Variants in CLEC16A observed in about 807,000 individuals in gnomAD.
CLEC16A encodes the protein C-type lectin domain containing 16A, also known as protein CLEC16A.
In CLEC16A, 51 loss-of-function variants were observed where a neutral mutation model predicts 109.5. The ratio of observed to expected loss-of-function variants is 0.47; its 90% confidence interval spans 0.37 to 0.59. CLEC16A has a LOEUF of 0.59. CLEC16A is among the 20% of genes least tolerant of loss of function. The pLI is 0.00. For missense variants in CLEC16A, 1,339 were observed against 1,394.0 expected, an observed-to-expected ratio of 0.96 and a Z score of 0.63; for synonymous variants, 673 against 564.2, an observed-to-expected ratio of 1.19 and a Z score of -2.73.
chr16:11,151,245 A>G (rs1183657669), intron 22 of CLEC16A, among the ~76,000 whole-genome samples: 1 of 152,242 alleles, frequency 6.6e-6, no homozygotes, highest in South Asian at 2.1e-4. Flanking sequence ...ATCTTGGTCT[A>G]CATTTCCAAT....
At chr16:11,017,110 G>C (rs1250473037) in intron 11 of CLEC16A, among the ~76,000 whole-genome samples, 2 of 152,008 alleles carry the variant, frequency 1.3e-5, no homozygotes, top group Non-Finnish European at 2.9e-5. Context: ...AGAACACTTT[G>C]TGACCACATT....
intron 13 of CLEC16A, among the ~76,000 whole-genome samples, chr16:11,037,132 G>A (rs1007499255): frequency 1.3e-5 from 2 of 152,160 alleles, no homozygotes; most frequent in East Asian, 3.9e-4. Flanking sequence ...CCACCGCTAG[G>A]CTTCTCATTC....
chr16:10,991,163 G>A (rs529661670), intron 10 of CLEC16A, among the ~76,000 whole-genome samples: 28 of 152,232 alleles, frequency 1.8e-4, no homozygotes, highest in Non-Finnish European at 3.1e-4. Context: ...TGGGAAAACA[G>A]TAGTGAAGCA....
At chr16:10,948,180 A>G (rs1035028759) in intron 1 of CLEC16A, among the ~76,000 whole-genome samples, 5 of 152,226 alleles carry the variant, frequency 3.3e-5, no homozygotes, top group Admixed American at 6.5e-5. Flanking sequence ...GGCATGAGCC[A>G]CTGCACCCGG....
rs2041239620 is a variant in CLEC16A, at chr16:10,944,575, G to A, written c.-143G>A. The A allele has an allele frequency of 1.3e-6, 1 of 788,446 alleles. No individual in the cohort carries two copies. Among genetic ancestry groups the A allele is most frequent in the Non-Finnish European group, 2.0e-6 (1 of 495,746 alleles). 48.8% of individuals were successfully genotyped at this position (788,446 alleles called of 1,614,324 possible). ...TCCGGCTGAATGTCAGTGCTGGGCT[G>A]TGGGCCGGGGAGGAAGGCGGCTCGC... On this transcript the variant is annotated 5_prime_UTR_variant, in exon 1 of 24. It adds an upstream start codon to the 5' untranslated region. Coordinates refer to ENST00000409790, the MANE Select transcript of CLEC16A (RefSeq NM_015226.3).
intron 18 of CLEC16A, among the ~76,000 whole-genome samples, chr16:11,053,170 CAT>C (rs1465389435): frequency 6.6e-6 from 1 of 152,126 alleles, no homozygotes; most frequent in African/African-American, 2.4e-5. Context: ...AAATTACAGA[CAT>C]GTACCACCAC....
At chr16:11,023,839 C>G (rs1012342045) in intron 12 of CLEC16A, among the ~76,000 whole-genome samples, 3 of 152,208 alleles carry the variant, frequency 2.0e-5, no homozygotes, top group Admixed American at 2.0e-4. Flanking sequence ...TGGCCTCAGC[C>G]TGGCATTCAG....
chr16:10,997,523 A>C (rs1049936973), intron 10 of CLEC16A, among the ~76,000 whole-genome samples: 3 of 152,234 alleles, frequency 2.0e-5, no homozygotes, highest in Non-Finnish European at 4.4e-5. Context: ...AAATAAACAT[A>C]AAATTCACTC....
At chr16:11,115,334 A>AT (rs1310423765) in intron 19 of CLEC16A, among the ~76,000 whole-genome samples, 1 of 152,176 alleles carries the variant, frequency 6.6e-6, no homozygotes, top group Non-Finnish European at 1.5e-5. Flanking sequence ...TTTAAAGAGT[A>AT]TTTTTTAAAA....
intron 3 of CLEC16A, among the ~76,000 whole-genome samples, chr16:10,962,934 A>C (rs1191263514): frequency 6.6e-6 from 1 of 152,004 alleles, no homozygotes; most frequent in East Asian, 1.9e-4. Context: ...TGGTGTGCAC[A>C]TGTAGTCCCA....
chr16:11,099,420 G>T (rs952289406), intron 19 of CLEC16A, among the ~76,000 whole-genome samples: 1 of 152,226 alleles, frequency 6.6e-6, no homozygotes, highest in Non-Finnish European at 1.5e-5. Context: ...GTGCTCAGTC[G>T]TGGATAGCAA....
At chr16:10,994,779 G>A (rs917909067) in intron 10 of CLEC16A, among the ~76,000 whole-genome samples, 5 of 152,196 alleles carry the variant, frequency 3.3e-5, no homozygotes, top group African/African-American at 1.2e-4. Context: ...GTTGAGTGAT[G>A]CATAAACTGT....
At chr16:11,133,322 G>A (rs577816227) in intron 22 of CLEC16A, among the ~76,000 whole-genome samples, 89 of 151,238 alleles carry the variant, frequency 5.9e-4, no homozygotes, top group Non-Finnish European at 9.3e-4. Flanking sequence ...CTGGGTGACA[G>A]AGTGAGACTC....
chr16:10,985,217 A>ATT (rs59018679), intron 10 of CLEC16A, among the ~76,000 whole-genome samples: 15 of 130,266 alleles, frequency 1.2e-4, no homozygotes, highest in African/African-American at 4.8e-4. Context: ...AAAAAAAAAA[A>ATT]AAAATATATA....
Position 11,123,855 on chromosome 16 carries a change from C to A in CLEC16A, c.2382C>A (p.Ile794=). ...TCCCCATCCTCCAGGCCACCTTCAT[C>A]TTCTCAGACCACATCCGCTGCATCA... The part of the protein sequence containing the change: ...KPFPILQATF[I]FSDHIRCIIA... Residue 794 remains isoleucine, a synonymous_variant, in exon 21 of 24, where the codon ATC becomes ATA. Coordinates refer to ENST00000409790, the MANE Select transcript of CLEC16A (RefSeq NM_015226.3). 3 of 1,614,074 alleles carry A rather than the reference C, an allele frequency of 1.9e-6. No homozygotes were observed. Among genetic ancestry groups the A allele is most frequent in the Non-Finnish European group, 2.5e-6 (3 of 1,179,910 alleles).
chr16:10,984,073 G>A (rs922512426), intron 10 of CLEC16A, among the ~76,000 whole-genome samples: 2 of 152,166 alleles, frequency 1.3e-5, no homozygotes, highest in Non-Finnish European at 2.9e-5. Flanking sequence ...CCTCTCTGCA[G>A]CCAGGTGCTC....
At chr16:10,976,589 A>G (rs147650804) in intron 7 of CLEC16A, among the ~76,000 whole-genome samples, 1 of 152,346 alleles carries the variant, frequency 6.6e-6, no homozygotes, top group East Asian at 1.9e-4. Context: ...ACAACAATAC[A>G]AACAAAATGC....
At chr16:11,011,229 A>C (rs868105253) in intron 11 of CLEC16A, among the ~76,000 whole-genome samples, 1 of 152,228 alleles carries the variant, frequency 6.6e-6, no homozygotes, top group African/African-American at 2.4e-5. Flanking sequence ...TTCAGTCACT[A>C]TCGTAATGGG....
chr16:11,092,361 AACACACACAC>A (rs3030566), intron 19 of CLEC16A, among the ~76,000 whole-genome samples: 3,689 of 132,520 alleles, frequency 0.028, 180 homozygotes, highest in African/African-American at 0.096. Flanking sequence ...AACAAAAACA[AACACACACAC>A]ACACACACAC....
Sources: gnomAD v4.1 joint callset for allele counts (sites outside exome capture counted in the v4.1 genomes callset) on GRCh38, gnomAD v4.1.1 for gene constraint, MANE v1.5 for transcripts, NCBI Gene and HGNC (gene_info 2026-07-23, HGNC 2026-07-21) for gene names.